PCDH15: variants seen among roughly 807,000 people sequenced by gnomAD.
PCDH15 encodes the protein protocadherin related 15.
PCDH15 carries 129 observed loss-of-function variants against 178.5 expected under a neutral mutation model. The ratio of observed to expected loss-of-function variants is 0.72; its 90% CI spans 0.63 to 0.84. The LOEUF (loss-of-function observed/expected upper bound fraction) is 0.84. Among genes scored for constraint, PCDH15 ranks in the 40% least tolerant of loss-of-function variants. The pLI, the probability that PCDH15 is intolerant of heterozygous loss-of-function variation, is 0.00. For synonymous variants in PCDH15, 800 were observed against 732.0 expected, an observed-to-expected ratio of 1.09 and a Z score of -1.50; for missense variants, 2,230 against 2,099.9, an observed-to-expected ratio of 1.06 and a Z score of -1.21.
intron 2 of PCDH15, among the ~76,000 whole-genome samples, chr10:55,428,074 C>A (rs1361667697): frequency 6.6e-6 from 1 of 151,876 alleles, no homozygotes; most frequent in East Asian, 1.9e-4. Context: ...AAAATGTGGT[C>A]TATTTTAGCT....
At chr10:55,021,350 A>C (rs1433273283) in intron 2 of PCDH15, among the ~76,000 whole-genome samples, 1 of 152,172 alleles carries the variant, frequency 6.6e-6, no homozygotes, top group Non-Finnish European at 1.5e-5. Context: ...GCTTTCTCAC[A>C]TTAACTACTG....
chr10:54,843,179 G>A (rs562601774), intron 3 of PCDH15, among the ~76,000 whole-genome samples: 14 of 151,954 alleles, frequency 9.2e-5, no homozygotes, highest in Admixed American at 2.6e-4. Flanking sequence ...TTGTTGTATC[G>A]TTTGGCTTCA....
At chr10:54,805,996 A>T (rs936334789), upstream of PCDH15, among the ~76,000 whole-genome samples, 8 of 152,172 alleles carry the variant, frequency 5.3e-5, no homozygotes, top group Admixed American at 5.2e-4. Flanking sequence ...AAGTCAAATT[A>T]TTTGAATATT....
chr10:55,582,613 TA>T (rs1564465573), intron 2 of PCDH15, among the ~76,000 whole-genome samples: 24 of 93,058 alleles, frequency 2.6e-4, no homozygotes, highest in African/African-American at 9.4e-4. Flanking sequence ...TATATATATA[TA>T]TATATATATA....
At chr10:54,724,861 G>T (rs907873428) in intron 1 of PCDH15, among the ~76,000 whole-genome samples, 1 of 150,694 alleles carries the variant, frequency 6.6e-6, no homozygotes, top group Non-Finnish European at 1.5e-5. Context: ...TAGTGGTGGG[G>T]ATTGGGCTTC....
intron 8 of PCDH15, among the ~76,000 whole-genome samples, chr10:54,246,568 A>G (rs1421200498): frequency 6.6e-6 from 1 of 151,922 alleles, no homozygotes; most frequent in East Asian, 1.9e-4. Context: ...ATCATATTTT[A>G]TATGTTAGTT....
At chr10:54,931,933 C>T (rs1328180953) in intron 2 of PCDH15, among the ~76,000 whole-genome samples, 1 of 152,046 alleles carries the variant, frequency 6.6e-6, no homozygotes, top group South Asian at 2.1e-4. Context: ...GAAAATGCAC[C>T]TCCATATTAA....
intron 17 of PCDH15, among the ~76,000 whole-genome samples, chr10:54,074,335 A>G (rs2094300985): frequency 6.6e-6 from 1 of 152,214 alleles, no homozygotes; most frequent in African/African-American, 2.4e-5. Flanking sequence ...ACATTAAACA[A>G]TAACTCCCCA....
Position 55,394,137 on chromosome 10 carries a change from T to C in PCDH15, c.-155-227486A>G, listed in dbSNP as rs564865705. ...TGTCTTCCAGGTTTGTTAGCGCATA[T>C]CACCAACAAAGCCCTCTTTTCTACT... On this transcript the variant is annotated intron_variant, in intron 2 of 5. Coordinates refer to the PCDH15 transcript ENST00000613346. 3.2e-4 allele frequency among the ~76,000 whole-genome samples: 48 copies of C among 152,070 alleles called. 2 individuals are homozygous for C. The highest frequency in any genetic ancestry group is 1.2e-4 in the Non-Finnish European group (8 of 68,012).
intron 29 of PCDH15, among the ~76,000 whole-genome samples, chr10:53,838,539 T>C (rs1284753855): frequency 1.3e-5 from 2 of 152,110 alleles, no homozygotes; most frequent in Admixed American, 1.3e-4. Context: ...TCTTTAAAGT[T>C]AGCCCAAATA....
chr10:53,972,169 C>A (rs189855812), intron 21 of PCDH15, among the ~76,000 whole-genome samples: 75 of 152,100 alleles, frequency 4.9e-4, no homozygotes, highest in South Asian at 8.3e-4. Flanking sequence ...ACGAATGTGA[C>A]CAAAACAAGA....
intron 1 of PCDH15, among the ~76,000 whole-genome samples, chr10:54,792,168 C>A (rs1010598647): frequency 2.0e-5 from 3 of 151,810 alleles, no homozygotes; most frequent in South Asian, 2.1e-4. Context: ...AGAAAAATAT[C>A]TTTACTCTAA....
At chr10:53,830,824 C>T (rs11003871) in intron 30 of PCDH15, among the ~76,000 whole-genome samples, 58,155 of 152,040 alleles carry the variant, frequency 0.38, 11,793 homozygotes, top group East Asian at 0.75. Flanking sequence ...TTACATCTTA[C>T]ATGCTATGAT....
intron 26 of PCDH15, among the ~76,000 whole-genome samples, chr10:53,883,852 A>G (rs1242250674): frequency 6.6e-6 from 1 of 152,058 alleles, no homozygotes; most frequent in African/African-American, 2.4e-5. Flanking sequence ...AGTAGCTGGG[A>G]TTACAGGTGT....
At chr10:54,473,355 A>T (rs910850579) in intron 3 of PCDH15, among the ~76,000 whole-genome samples, 5 of 152,152 alleles carry the variant, frequency 3.3e-5, no homozygotes, top group Non-Finnish European at 2.9e-5. Context: ...GTCCTTGATA[A>T]ATGTTCTAGA....
chr10:54,255,421 G>A (rs1378835401), intron 8 of PCDH15, among the ~76,000 whole-genome samples: 2 of 152,118 alleles, frequency 1.3e-5, no homozygotes, highest in Non-Finnish European at 2.9e-5. Flanking sequence ...GATTCTTACT[G>A]TTGAAAACCA....
intron 18 of PCDH15, among the ~76,000 whole-genome samples, chr10:54,047,889 G>A (rs1285814832): frequency 2.0e-5 from 3 of 152,118 alleles, no homozygotes; most frequent in Non-Finnish European, 4.4e-5. Context: ...AAGTGCATGT[G>A]TCTTTTTGGT....
rs79020198 is a variant in PCDH15, at chr10:54,646,078, G to A, written c.91+18094C>T. On this transcript the variant is annotated intron_variant, in intron 2 of 37. Coordinates refer to ENST00000644397, the MANE Select transcript of PCDH15 (RefSeq NM_001384140.1). ...ATATTCACACACTACATGTTTTATC[G>A]CATGTTAATCCTCTGTTTCTCTTTT... Among the ~76,000 whole-genome samples the A allele has an allele frequency of 8.7e-3, 1,321 of 151,956 alleles. 24 individuals carry two copies. Among genetic ancestry groups the A allele is most frequent in the African/African-American group, 0.03 (1,246 of 41,430 alleles).
intron 2 of PCDH15, among the ~76,000 whole-genome samples, chr10:55,530,665 A>G (rs1033513869): frequency 1.3e-5 from 2 of 152,056 alleles, no homozygotes; most frequent in Admixed American, 6.6e-5. Context: ...CATGATAAAT[A>G]TAAACATCAT....
Sources: allele counts gnomAD v4.1 joint callset (sites outside exome capture counted in the v4.1 genomes callset), GRCh38; gene constraint gnomAD v4.1.1; transcripts MANE v1.5; gene names NCBI Gene and HGNC (gene_info 2026-07-23, HGNC 2026-07-21).